The following TSHZ2 variants were observed in gnomAD, a reference collection of about 807,000 sequenced individuals.
TSHZ2 encodes teashirt homolog 2.
In TSHZ2, 21 loss-of-function variants were observed where a neutral mutation model predicts 74.4. The ratio of observed to expected loss-of-function variants is 0.28; its 90% CI spans 0.20 to 0.41. The LOEUF (loss-of-function observed/expected upper bound fraction) is 0.41, where lower values mean the gene tolerates loss of function less well. Among genes scored for constraint, TSHZ2 ranks in the 10% least tolerant of loss-of-function variants. The pLI, the probability that TSHZ2 is intolerant of heterozygous loss-of-function variation, is 1.00. For synonymous variants in TSHZ2, 540 were observed against 515.3 expected, an observed-to-expected ratio of 1.05 and a Z score of -0.65; for missense variants, 1,244 against 1,293.5, an observed-to-expected ratio of 0.96 and a Z score of 0.59.
intron 1 of TSHZ2, among the ~76,000 whole-genome samples, chr20:53,036,315 G>C (rs887920071): frequency 6.6e-6 from 1 of 151,994 alleles, no homozygotes; most frequent in African/African-American, 2.4e-5. Context: ...ACTGTGATCC[G>C]AATAAGCAAG....
At chr20:53,286,994 G>A (rs561112822) in intron 2 of TSHZ2, among the ~76,000 whole-genome samples, 5 of 151,922 alleles carry the variant, frequency 3.3e-5, no homozygotes, top group South Asian at 2.1e-4. Context: ...GTTCCTCCCC[G>A]AGGTTCATCA....
At chr20:53,018,320 C>T (rs1983114742) in intron 1 of TSHZ2, among the ~76,000 whole-genome samples, 1 of 152,156 alleles carries the variant, frequency 6.6e-6, no homozygotes, top group Admixed American at 6.5e-5. Context: ...AATAGACCAC[C>T]TTATGTCATA....
Position 53,255,574 on chromosome 20 carries a change from T to C in TSHZ2, c.2116T>C (p.Leu706=). ...CCTGCAGTCCGTCCTGAACAATCAC[T>C]TGGGCAAAGCCACGGAGCCCTTGCG... ...SALQSVLNNH[L]GKATEPLRSP... is the part of the protein sequence containing the mutation. Residue 706 remains leucine (L), a synonymous_variant, in exon 2 of 3, where the codon TTG becomes CTG. Coordinates refer to ENST00000371497, the MANE Select transcript of TSHZ2 (RefSeq NM_173485.6). The surrounding 1 kb of genome is among the most constrained non-coding windows in gnomAD (Gnocchi z 4.1). 1.9e-6 allele frequency: 3 copies of C among 1,582,078 alleles called. No homozygotes were observed. Among genetic ancestry groups the C allele is most frequent in the South Asian group, 1.2e-5 (1 of 85,200 alleles).
intron 2 of TSHZ2, among the ~76,000 whole-genome samples, chr20:53,368,511 A>G (rs1319427556): frequency 6.6e-6 from 1 of 152,046 alleles, no homozygotes; most frequent in Non-Finnish European, 1.5e-5. Context: ...GGGTTTCACC[A>G]TGTTGGCCAA....
chr20:53,202,756 G>A (rs905382070), intron 1 of TSHZ2, among the ~76,000 whole-genome samples: 4 of 152,112 alleles, frequency 2.6e-5, no homozygotes, highest in African/African-American at 9.7e-5. Flanking sequence ...TCCAACGAAG[G>A]GAAGTCAGGT....
chr20:53,161,564 G>A (rs767596906), intron 1 of TSHZ2, among the ~76,000 whole-genome samples: 4 of 152,148 alleles, frequency 2.6e-5, no homozygotes, highest in Non-Finnish European at 4.4e-5. Flanking sequence ...CATGGCAGAA[G>A]GCAAAGGAGA....
chr20:53,231,045 C>CCG, intron 1 of TSHZ2, among the ~76,000 whole-genome samples: 1 of 152,176 alleles, frequency 6.6e-6, no homozygotes, highest in African/African-American at 2.4e-5. Flanking sequence ...GTCTGCTTTG[C>CCG]TTTCTTGAGG....
chr20:53,281,304 A>G (rs1991056619), intron 2 of TSHZ2, among the ~76,000 whole-genome samples: 1 of 152,244 alleles, frequency 6.6e-6, no homozygotes, highest in African/African-American at 2.4e-5. Flanking sequence ...TGAGGGCTCC[A>G]GGCAGAAGGA....
At chr20:53,077,121 A>G (rs1322009030) in intron 1 of TSHZ2, among the ~76,000 whole-genome samples, 1 of 152,110 alleles carries the variant, frequency 6.6e-6, no homozygotes, top group African/African-American at 2.4e-5. Flanking sequence ...GGTAAAGATA[A>G]TGCTCTGGAG....
intron 2 of TSHZ2, among the ~76,000 whole-genome samples, chr20:53,429,778 T>C (rs1472751674): frequency 1.3e-5 from 2 of 152,140 alleles, no homozygotes; most frequent in Non-Finnish European, 2.9e-5. Flanking sequence ...GGTACTTGGG[T>C]GAGCTTTTCT....
chr20:53,204,208 TATG>T (rs1243710232), intron 1 of TSHZ2, among the ~76,000 whole-genome samples: 6 of 134,002 alleles, frequency 4.5e-5, no homozygotes, highest in East Asian at 4.6e-4. Context: ...CATATGATGA[TATG>T]ATACTATATC....
intron 1 of TSHZ2, among the ~76,000 whole-genome samples, chr20:52,974,561 G>T (rs1307477452): frequency 1.3e-5 from 2 of 152,058 alleles, no homozygotes; most frequent in African/African-American, 4.8e-5. Context: ...CATTAGGTAA[G>T]ACTGGTCTTC....
chr20:53,358,565 G>A (rs969877286), intron 2 of TSHZ2, among the ~76,000 whole-genome samples: 4 of 151,652 alleles, frequency 2.6e-5, no homozygotes, highest in African/African-American at 9.7e-5. Flanking sequence ...GGCTGGTCTC[G>A]ATCTCCTGGC....
At chr20:53,349,779 T>C (rs1980577844) in intron 2 of TSHZ2, among the ~76,000 whole-genome samples, 1 of 152,212 alleles carries the variant, frequency 6.6e-6, no homozygotes. Flanking sequence ...GGTATATTCA[T>C]TCTTATATTC....
Position 53,447,774 on chromosome 20 carries a change from G to A in TSHZ2, c.*9-39370G>A, listed in dbSNP as rs77023869. On this transcript the variant is annotated intron_variant, in intron 2 of 2. Coordinates refer to ENST00000371497, the MANE Select transcript of TSHZ2 (RefSeq NM_173485.6). ...ATTGGATTGATGCTATGGATGTGTG[G>A]CAAGTTTACCAATGATGTGCTCTCT... Among the ~76,000 whole-genome samples the A allele has an allele frequency of 1.5e-3, 223 of 152,232 alleles. 1 individual carries two copies. The highest frequency in any genetic ancestry group is 5.2e-3 in the African/African-American group (216 of 41,536).
chr20:53,130,104 T>C (rs1987061741), intron 1 of TSHZ2, among the ~76,000 whole-genome samples: 1 of 151,928 alleles, frequency 6.6e-6, no homozygotes, highest in Non-Finnish European at 1.5e-5. Context: ...TGATAGTGGC[T>C]CAGTGGGTTT....
chr20:53,373,440 A>T (rs966760519), intron 2 of TSHZ2, among the ~76,000 whole-genome samples: 1 of 152,182 alleles, frequency 6.6e-6, no homozygotes, highest in Non-Finnish European at 1.5e-5. Context: ...AAATATTTAA[A>T]TGGCCTTTCT....
At chr20:53,146,345 G>A (rs560328427) in intron 1 of TSHZ2, among the ~76,000 whole-genome samples, 2 of 152,128 alleles carry the variant, frequency 1.3e-5, no homozygotes, top group African/African-American at 4.8e-5. Context: ...GCATTGTGTA[G>A]ACGGAGCCTA....
At chr20:53,273,928 C>T (rs529038706) in intron 2 of TSHZ2, among the ~76,000 whole-genome samples, 9 of 152,258 alleles carry the variant, frequency 5.9e-5, no homozygotes, top group East Asian at 3.9e-4. Context: ...CTGGACCACC[C>T]GGACTCCCAA....
Sources: gnomAD v4.1 joint callset for allele counts (sites outside exome capture counted in the v4.1 genomes callset) on GRCh38, gnomAD v4.1.1 for gene constraint, Gnocchi (gnomAD v3.1) non-coding constraint, MANE v1.5 for transcripts, NCBI Gene and HGNC (gene_info 2026-07-23, HGNC 2026-07-21) for gene names.